Variants in MTMR12 observed in about 807,000 individuals in gnomAD.
The protein encoded by MTMR12 is myotubularin-related protein 12.
A neutral mutation model predicts 96.7 loss-of-function variants in MTMR12; 33 were observed. That is an observed-to-expected ratio of 0.34 (90% CI 0.26 to 0.46). The LOEUF (loss-of-function observed/expected upper bound fraction) is 0.46, where lower values mean the gene tolerates loss of function less well. Among genes scored for constraint, MTMR12 ranks in the 20% least tolerant of loss-of-function variants. MTMR12 has a pLI of 1.00. For synonymous variants in MTMR12, 298 were observed against 327.2 expected (o/e 0.91, Z 0.96); for missense variants, 721 against 896.1 (o/e 0.80, Z 2.49).
intron 1 of MTMR12, among the ~76,000 whole-genome samples, chr5:32,305,803 T>G (rs1440750719): frequency 6.6e-6 from 1 of 151,444 alleles, no homozygotes; most frequent in Admixed American, 6.6e-5. Context: ...CTCGGGAGGC[T>G]GAGGCAGGAG....
chr5:32,260,656 T>A (rs1749328767), intron 7 of MTMR12, among the ~76,000 whole-genome samples: 2 of 150,332 alleles, frequency 1.3e-5, no homozygotes, highest in Admixed American at 6.6e-5. Flanking sequence ...AATGAGGTTC[T>A]TGGTGGGGGT....
chr5:32,290,215 C>T (rs1056304519), intron 1 of MTMR12, among the ~76,000 whole-genome samples: 5 of 152,178 alleles, frequency 3.3e-5, no homozygotes, highest in Admixed American at 6.5e-5. Flanking sequence ...ACTGTCCTAC[C>T]TCAGGGACAT....
chr5:32,287,898 G>C (rs1750601803), intron 1 of MTMR12, among the ~76,000 whole-genome samples: 1 of 152,138 alleles, frequency 6.6e-6, no homozygotes, highest in Non-Finnish European at 1.5e-5. Context: ...AAGCTGGTTG[G>C]TTGCTCCTAA....
intron 11 of MTMR12, 95 bp from the exon 12 acceptor site, chr5:32,242,222 G>C: frequency 2.7e-6 from 2 of 734,252 alleles, no homozygotes; most frequent in South Asian, 4.8e-5. Context: ...TTGATCTTCA[G>C]TCTTCTCTCT....
chr5:32,284,402 C>T lies in MTMR12; in HGVS notation c.82-7660G>A, dbSNP rs76727255. ...ATGGATGGCATCACCAAATGCTCTA[C>T]TCATATTGCAATATACTGAAAAACG... On this transcript the variant is annotated intron_variant, in intron 1 of 15. Coordinates refer to ENST00000382142, the MANE Select transcript of MTMR12 (RefSeq NM_001040446.3). 5.2e-3 allele frequency among the ~76,000 whole-genome samples: 787 copies of T among 151,750 alleles called. 3 individuals carry two copies. The highest frequency in any genetic ancestry group is 7.9e-3 in the Non-Finnish European group (534 of 67,932).
At chr5:32,288,204 TG>T (rs1249703237) in intron 1 of MTMR12, among the ~76,000 whole-genome samples, 1 of 152,198 alleles carries the variant, frequency 6.6e-6, no homozygotes, top group Non-Finnish European at 1.5e-5. Context: ...TGGGAACGTG[TG>T]GGAGGACCCT....
chr5:32,311,016 G>C (rs528645090), intron 1 of MTMR12, among the ~76,000 whole-genome samples: 3 of 152,016 alleles, frequency 2.0e-5, no homozygotes, highest in African/African-American at 7.2e-5. Context: ...TGGGATTACA[G>C]GTGCGCACCA....
chr5:32,228,449 T>C lies in MTMR12; in HGVS notation c.*1329A>G, dbSNP rs1373392618. 1 of 150,140 alleles carries C rather than the reference T, an allele frequency of 6.7e-6. No homozygotes were observed. Among genetic ancestry groups the C allele is most frequent in the Non-Finnish European group, 1.5e-5 (1 of 67,700 alleles). 9.3% of individuals were successfully genotyped at this position (150,140 alleles called of 1,614,324 possible). On this transcript the variant is annotated 3_prime_UTR_variant, in exon 16 of 16. Coordinates refer to ENST00000382142, the MANE Select transcript of MTMR12 (RefSeq NM_001040446.3). ...TTGTTTTTTTCCTCTTTTATGCGAT[T>C]TGACAGGGTTCCACTGAGAACAAAA...
chr5:32,305,251 G>C (rs2112164948), intron 1 of MTMR12, among the ~76,000 whole-genome samples: 1 of 152,140 alleles, frequency 6.6e-6, no homozygotes, highest in Admixed American at 6.6e-5. Context: ...ACCACGCCCG[G>C]CTAATTTTTG....
intron 6 of MTMR12, among the ~76,000 whole-genome samples, chr5:32,264,524 G>A (rs1373495901): frequency 6.6e-6 from 1 of 151,498 alleles, no homozygotes. Context: ...GCAGCGGCGT[G>A]ATCTCAGCTC....
chr5:32,307,478 C>T (rs1481412297), intron 1 of MTMR12, among the ~76,000 whole-genome samples: 4 of 152,130 alleles, frequency 2.6e-5, no homozygotes, highest in African/African-American at 9.7e-5. Context: ...CCCTCCTATT[C>T]ATCTCAACTT....
chr5:32,249,200 T>C (rs1020910852), intron 8 of MTMR12, among the ~76,000 whole-genome samples: 1 of 152,336 alleles, frequency 6.6e-6, no homozygotes. Context: ...AAGTGCAGCT[T>C]ATTACATGTC....
chr5:32,274,170 C>T (rs374091954), intron 2 of MTMR12, 48 bp from the exon 3 acceptor site: 36 of 1,592,780 alleles, frequency 2.3e-5, no homozygotes, highest in Middle Eastern at 1.7e-4. Flanking sequence ...AGGGAACATA[C>T]GATATGCAAA....
At chr5:32,278,113 A>G (rs1750131096) in intron 1 of MTMR12, among the ~76,000 whole-genome samples, 1 of 152,278 alleles carries the variant, frequency 6.6e-6, no homozygotes, top group South Asian at 2.1e-4. Context: ...ATGAATGAAT[A>G]GACCAAAGCA....
In MTMR12 at chr5:32,271,826, T is replaced by C; in HGVS notation, c.358+7A>G. ...TGCCAACACCCCAGGGAAAAACAGA[T>C]ACTTACCTCCATAAATCTGATCAAC... On this transcript the variant is annotated splice_region_variant and intron_variant, in intron 4 of 15. Transcript: ENST00000382142. 1 of 1,541,536 alleles carries C rather than the reference T, an allele frequency of 6.5e-7. No homozygotes were observed. The highest frequency in any genetic ancestry group is 8.8e-7 in the Non-Finnish European group (1 of 1,131,182).
Position 32,238,991 on chromosome 5 carries a change from G to T in MTMR12, c.1344+10C>A. Reference sequence around the variant, plus strand: ...CTATGACGGAAACAGTCTGCAGTGAGGGAACTCACCTCCTCTTTGTCGTTC... The same window carrying T: ...CTATGACGGAAACAGTCTGCAGTGATGGAACTCACCTCCTCTTTGTCGTTC... On this transcript the variant is annotated intron_variant, in intron 13 of 15. Coordinates refer to ENST00000382142, the MANE Select transcript of MTMR12 (RefSeq NM_001040446.3). The T allele has an allele frequency of 6.3e-7, 1 of 1,576,470 alleles. No individual in the cohort carries two copies. The highest frequency in any genetic ancestry group is 1.2e-5 in the South Asian group (1 of 83,778).
At chr5:32,267,065 G>A (rs78793607) in intron 6 of MTMR12, among the ~76,000 whole-genome samples, 2,698 of 151,946 alleles carry the variant, frequency 0.018, 43 homozygotes, top group East Asian at 0.07. Context: ...GGGCAACAGA[G>A]CAAGACCCTG....
chr5:32,232,825 T>C, intron 15 of MTMR12: 1 of 427,000 alleles, frequency 2.3e-6, no homozygotes, highest in Non-Finnish European at 3.1e-6. Flanking sequence ...TGGCCGTGGC[T>C]CACCCAGGTC....
chr5:32,300,072 C>T (rs1413395108), intron 1 of MTMR12, among the ~76,000 whole-genome samples: 3 of 152,286 alleles, frequency 2.0e-5, no homozygotes, highest in Middle Eastern at 3.4e-3. Flanking sequence ...ACTCTGGTGA[C>T]CAGCCATCTC....
Sources: allele counts gnomAD v4.1 joint callset (sites outside exome capture counted in the v4.1 genomes callset), GRCh38; gene constraint gnomAD v4.1.1; transcripts MANE v1.5; gene names NCBI Gene and HGNC (gene_info 2026-07-23, HGNC 2026-07-21).